Variants in CEP128 observed in about 807,000 individuals in gnomAD.
CEP128 encodes centrosomal protein 128kDa.
CEP128 carries 132 observed loss-of-function variants against 156.7 expected under a neutral mutation model. The ratio of observed to expected loss-of-function variants is 0.84; its 90% CI spans 0.73 to 0.97. The LOEUF (loss-of-function observed/expected upper bound fraction) is 0.97, where lower values mean the gene tolerates loss of function less well. CEP128 is among the 50% of genes least tolerant of loss of function. The probability of loss-of-function intolerance (pLI) is 0.00; values close to 1 mark genes in which losing one functional copy is unlikely to be tolerated. For synonymous variants in CEP128, 469 were observed against 448.9 expected (o/e 1.04, Z -0.57); for missense variants, 1,252 against 1,281.9 (o/e 0.98, Z 0.36).
intron 7 of CEP128, among the ~76,000 whole-genome samples, chr14:80,899,589 T>C (rs1883411234): frequency 6.6e-6 from 1 of 152,222 alleles, no homozygotes; most frequent in Admixed American, 6.5e-5. Context: ...TTTTTTGGTG[T>C]GTGCAATGCC....
intron 19 of CEP128, among the ~76,000 whole-genome samples, chr14:80,704,050 T>C (rs1017962892): frequency 1.3e-5 from 2 of 152,056 alleles, no homozygotes; most frequent in Non-Finnish European, 2.9e-5. Flanking sequence ...ACCACTAGAA[T>C]TAAGAAACTA....
At chr14:80,782,309 G>A (rs1901166756) in intron 15 of CEP128, among the ~76,000 whole-genome samples, 1 of 152,144 alleles carries the variant, frequency 6.6e-6, no homozygotes, top group South Asian at 2.1e-4. Context: ...ACCACTGCAT[G>A]ACCACACCTT....
chr14:80,836,418 T>A lies in CEP128; in HGVS notation c.925-81A>T, dbSNP rs1438433542. ...TCAAATGGGCTATTGTAAACACAAG[T>A]TGAATCCAGGTTAATCTCCTTCCAA... is the stretch of plus-strand genomic sequence containing the variant. On this transcript the variant is annotated intron_variant, in intron 11 of 24. Coordinates refer to ENST00000555265, the MANE Select transcript of CEP128 (RefSeq NM_152446.5). The A allele has an allele frequency of 2.0e-6, 3 of 1,503,944 alleles. No individual in the cohort carries two copies. The East Asian group carries it at 6.8e-5, about 34-fold the overall frequency. 93.2% of individuals were successfully genotyped at this position (1,503,944 alleles called of 1,614,324 possible). A position where few individuals can be genotyped will look rare whatever the true frequency, so the allele number is the denominator to read the frequency against.
intron 8 of CEP128, among the ~76,000 whole-genome samples, chr14:80,863,693 T>C (rs149513598): frequency 1.3e-5 from 2 of 152,318 alleles, no homozygotes; most frequent in East Asian, 3.9e-4. Flanking sequence ...ACAGCTGTTA[T>C]AAGAAATCTT....
intron 19 of CEP128, among the ~76,000 whole-genome samples, chr14:80,705,866 A>C (rs912109077): frequency 7.4e-4 from 112 of 152,254 alleles, no homozygotes; most frequent in Non-Finnish European, 1.3e-4. Context: ...TCAGGTGTAG[A>C]GTCAGCCCCA....
intron 19 of CEP128, among the ~76,000 whole-genome samples, chr14:80,720,017 G>A (rs1335131207): frequency 6.6e-6 from 1 of 152,082 alleles, no homozygotes; most frequent in African/African-American, 2.4e-5. Flanking sequence ...ACTTAGATTG[G>A]GTAATGGAGC....
intron 19 of CEP128, among the ~76,000 whole-genome samples, chr14:80,707,785 C>A (rs949076174): frequency 1.3e-5 from 2 of 152,102 alleles, no homozygotes. Context: ...TAAAATACCA[C>A]CAATACCACA....
intron 19 of CEP128, among the ~76,000 whole-genome samples, chr14:80,593,010 A>G (rs1205434307): frequency 6.6e-6 from 1 of 152,218 alleles, no homozygotes; most frequent in East Asian, 1.9e-4. Context: ...CAAAATAATA[A>G]GAACTATTTA....
At chr14:80,656,291 T>TTTTA (rs1474079416) in intron 19 of CEP128, among the ~76,000 whole-genome samples, 1 of 25,702 alleles carries the variant, frequency 3.9e-5, no homozygotes, top group Admixed American at 6.0e-4. Context: ...ATATATATAT[T>TTTTA]TATATATATA....
chr14:80,700,008 C>T (rs750436352), intron 19 of CEP128, among the ~76,000 whole-genome samples: 7 of 152,120 alleles, frequency 4.6e-5, no homozygotes, highest in Non-Finnish European at 2.9e-5. Flanking sequence ...TCTAAGAACA[C>T]GGAGGGCTTT....
At chr14:80,812,092 T>C (rs1441548436) in intron 13 of CEP128, among the ~76,000 whole-genome samples, 1 of 152,308 alleles carries the variant, frequency 6.6e-6, no homozygotes, top group East Asian at 1.9e-4. Flanking sequence ...CTATTGTTCC[T>C]TTCTTTGAGC....
At chr14:80,947,165 G>A (rs1886365983) in intron 2 of CEP128, among the ~76,000 whole-genome samples, 1 of 152,136 alleles carries the variant, frequency 6.6e-6, no homozygotes. Flanking sequence ...TTATAGCAGT[G>A]TGAGAATGGA....
intron 7 of CEP128, 152 bp downstream of exon 7, chr14:80,899,786 C>G (rs1005353092): frequency 3.9e-6 from 2 of 506,826 alleles, no homozygotes; most frequent in African/African-American, 3.9e-5. Flanking sequence ...ATTCTAAATT[C>G]AAAGGGCTGT....
intron 19 of CEP128, among the ~76,000 whole-genome samples, chr14:80,636,773 A>G (rs1894198294): frequency 6.6e-6 from 1 of 152,096 alleles, no homozygotes; most frequent in Non-Finnish European, 1.5e-5. Flanking sequence ...TCTTCTCCAC[A>G]TTACTGAATT....
chr14:80,756,131 C>A (rs1157701221), intron 18 of CEP128, among the ~76,000 whole-genome samples: 1 of 152,148 alleles, frequency 6.6e-6, no homozygotes. Flanking sequence ...AATATTAATG[C>A]ACAACAGAAA....
chr14:80,877,798 G>GC (rs1223368449), intron 8 of CEP128, among the ~76,000 whole-genome samples: 1 of 152,148 alleles, frequency 6.6e-6, no homozygotes, highest in Non-Finnish European at 1.5e-5. Flanking sequence ...CTGAAGGGAT[G>GC]CCCCACTCCC....
chr14:80,624,962 T>G (rs1441234926), intron 19 of CEP128, among the ~76,000 whole-genome samples: 1 of 152,210 alleles, frequency 6.6e-6, no homozygotes, highest in Non-Finnish European at 1.5e-5. Context: ...TTGTCTATAG[T>G]TTTGAAGTCT....
chr14:80,905,356 A>G (rs1020740241), intron 5 of CEP128: 8 of 156,282 alleles, frequency 5.1e-5, no homozygotes, highest in Middle Eastern at 6.0e-3. Context: ...AATAGTGCCC[A>G]ATTTTTAATC....
intron 19 of CEP128, among the ~76,000 whole-genome samples, chr14:80,592,122 A>G (rs1892099909): frequency 6.6e-6 from 1 of 152,196 alleles, no homozygotes; most frequent in Admixed American, 6.5e-5. Flanking sequence ...AAACAAATTC[A>G]AAAGCTAGCA....
Sources: allele counts gnomAD v4.1 joint callset (sites outside exome capture counted in the v4.1 genomes callset), GRCh38; gene constraint gnomAD v4.1.1; transcripts MANE v1.5; gene names NCBI Gene and HGNC (gene_info 2026-07-23, HGNC 2026-07-21).